LRFN2: variants seen among roughly 807,000 people sequenced by gnomAD.
LRFN2 encodes the protein leucine rich repeat and fibronectin type III domain containing 2.
In LRFN2, 18 loss-of-function variants were observed where a neutral mutation model predicts 37.3. That is an observed-to-expected ratio of 0.48 (90% confidence interval 0.33 to 0.72). The LOEUF is 0.72. Ranked by LOEUF, LRFN2 falls within the 30% of genes least tolerant of loss-of-function variation. The pLI is 0.02. For missense variants in LRFN2, 1,006 were observed against 1,060.7 expected, an observed-to-expected ratio of 0.95 and a Z score of 0.72; for synonymous variants, 556 against 466.6, an observed-to-expected ratio of 1.19 and a Z score of -2.47.
At chr6:40,585,959 C>T (rs1372019851) in intron 1 of LRFN2, among the ~76,000 whole-genome samples, 1 of 152,194 alleles carries the variant, frequency 6.6e-6, no homozygotes, top group Admixed American at 6.5e-5. Flanking sequence ...GACATGTTCC[C>T]TGTCCCTGCA....
intron 1 of LRFN2, among the ~76,000 whole-genome samples, chr6:40,533,599 C>A (rs1398084291): frequency 6.6e-6 from 1 of 152,194 alleles, no homozygotes; most frequent in Non-Finnish European, 1.5e-5. Flanking sequence ...CAGGTCAGCT[C>A]GCCTGTACCA....
At chr6:40,443,126 A>G (rs549553864) in intron 1 of LRFN2, among the ~76,000 whole-genome samples, 2 of 152,294 alleles carry the variant, frequency 1.3e-5, no homozygotes, top group African/African-American at 2.4e-5. Flanking sequence ...AGTGGAGAAC[A>G]GGTTATAGAC....
At position 40,518,474 on chromosome 6, in the gene LRFN2, T is replaced by C. The variant is rs186414206; in HGVS notation, c.-19+68467A>G. On this transcript the variant is annotated intron_variant, in intron 1 of 2. Coordinates refer to ENST00000338305, the MANE Select transcript of LRFN2 (RefSeq NM_020737.3). ...AATTTGGGAGGTCTGGTTGCAGACCTGCATGCTCACCTCCTATGCTGCTCC... is the reference window on the plus strand; with the variant it reads ...AATTTGGGAGGTCTGGTTGCAGACCCGCATGCTCACCTCCTATGCTGCTCC... Among the ~76,000 whole-genome samples the C allele has an allele frequency of 7.9e-5, 12 of 152,294 alleles. No homozygotes were observed. The East Asian group carries it at 2.3e-3, about 30-fold the overall frequency.
At chr6:40,504,014 G>A (rs1166280015) in intron 1 of LRFN2, among the ~76,000 whole-genome samples, 2 of 151,958 alleles carry the variant, frequency 1.3e-5, no homozygotes, top group Non-Finnish European at 2.9e-5. Flanking sequence ...GCGAGAGATA[G>A]GAGGGTCGCC....
At chr6:40,515,267 G>A (rs901442417) in intron 1 of LRFN2, among the ~76,000 whole-genome samples, 11 of 152,260 alleles carry the variant, frequency 7.2e-5, no homozygotes, top group East Asian at 1.9e-4. Context: ...TGTGGCCAGC[G>A]TCTCCATCCT....
At chr6:40,399,819 T>C (rs1762701920) in intron 2 of LRFN2, among the ~76,000 whole-genome samples, 1 of 151,898 alleles carries the variant, frequency 6.6e-6, no homozygotes, top group South Asian at 2.1e-4. Flanking sequence ...AACCCTTACA[T>C]TGTTGAAAAC....
chr6:40,453,783 A>AAGTC (rs1764173388), intron 1 of LRFN2, among the ~76,000 whole-genome samples: 1 of 152,192 alleles, frequency 6.6e-6, no homozygotes, highest in Non-Finnish European at 1.5e-5. Flanking sequence ...AAGGATCAGT[A>AAGTC]AGTCACTGAT....
At chr6:40,575,972 G>A (rs975185976) in intron 1 of LRFN2, among the ~76,000 whole-genome samples, 2 of 152,128 alleles carry the variant, frequency 1.3e-5, no homozygotes, top group Non-Finnish European at 2.9e-5. Context: ...TTTTAGAATA[G>A]CACAGGGCTC....
At chr6:40,528,013 T>C (rs1188058042) in intron 1 of LRFN2, among the ~76,000 whole-genome samples, 1 of 152,176 alleles carries the variant, frequency 6.6e-6, no homozygotes, top group Non-Finnish European at 1.5e-5. Flanking sequence ...GAGGAGAAAA[T>C]GGAGTCTCAG....
At chr6:40,479,812 G>A (rs1020940438) in intron 1 of LRFN2, among the ~76,000 whole-genome samples, 6 of 152,210 alleles carry the variant, frequency 3.9e-5, no homozygotes, top group Non-Finnish European at 7.3e-5. Context: ...TGCCAGGATG[G>A]AGCCTGGGCC....
intron 1 of LRFN2, among the ~76,000 whole-genome samples, chr6:40,452,316 A>G (rs1764128924): frequency 6.6e-6 from 1 of 152,214 alleles, no homozygotes; most frequent in Non-Finnish European, 1.5e-5. Context: ...GCCCAAGGCC[A>G]ACCAAATCTT....
chr6:40,503,769 A>T (rs973999460), intron 1 of LRFN2, among the ~76,000 whole-genome samples: 3 of 152,192 alleles, frequency 2.0e-5, no homozygotes, highest in Admixed American at 6.5e-5. Flanking sequence ...CAAGGGAAGC[A>T]GGTGCTCCTG....
intron 1 of LRFN2, among the ~76,000 whole-genome samples, chr6:40,546,236 A>G (rs1482096604): frequency 6.6e-6 from 1 of 152,192 alleles, no homozygotes; most frequent in Non-Finnish European, 1.5e-5. Context: ...AGCCCAGAGA[A>G]GCGGGGCCTT....
At chr6:40,446,312 G>A (rs1163358712) in intron 1 of LRFN2, among the ~76,000 whole-genome samples, 1 of 152,202 alleles carries the variant, frequency 6.6e-6, no homozygotes, top group African/African-American at 2.4e-5. Context: ...TAATTTTAAT[G>A]AAGGAAGAAG....
At chr6:40,441,022 G>A (rs1364271814) in intron 1 of LRFN2, among the ~76,000 whole-genome samples, 1 of 152,184 alleles carries the variant, frequency 6.6e-6, no homozygotes, top group Non-Finnish European at 1.5e-5. Flanking sequence ...GTAGAAACGT[G>A]AGATGCAGGG....
intron 1 of LRFN2, among the ~76,000 whole-genome samples, chr6:40,445,008 C>A (rs1763935736): frequency 6.6e-6 from 1 of 151,916 alleles, no homozygotes; most frequent in Admixed American, 6.6e-5. Context: ...CCCTCCACCT[C>A]ACCCCCCCAG....
chr6:40,397,343 C>T (rs1293749224), intron 2 of LRFN2, among the ~76,000 whole-genome samples: 1 of 152,188 alleles, frequency 6.6e-6, no homozygotes, highest in Non-Finnish European at 1.5e-5. Flanking sequence ...TAGCTTAGGC[C>T]TCTCCATTTC....
At chr6:40,453,664 T>C (rs1417636766) in intron 1 of LRFN2, among the ~76,000 whole-genome samples, 4 of 152,078 alleles carry the variant, frequency 2.6e-5, no homozygotes, top group Admixed American at 1.3e-4. Context: ...TCCAAAGACA[T>C]TAGCCTAGAG....
intron 1 of LRFN2, among the ~76,000 whole-genome samples, chr6:40,440,970 C>T (rs1763821582): frequency 6.6e-6 from 1 of 152,190 alleles, no homozygotes; most frequent in Non-Finnish European, 1.5e-5. Flanking sequence ...TTAATTATAA[C>T]TGTCATTATA....
Sources: gnomAD v4.1 joint callset for allele counts (sites outside exome capture counted in the v4.1 genomes callset) on GRCh38, gnomAD v4.1.1 for gene constraint, MANE v1.5 for transcripts, NCBI Gene and HGNC (gene_info 2026-07-23, HGNC 2026-07-21) for gene names.